NUP155: variants seen among roughly 807,000 people sequenced by gnomAD.
The protein encoded by NUP155 is nuclear pore complex protein Nup155.
In NUP155, 71 loss-of-function variants were observed where a neutral mutation model predicts 180.4. The observed-to-expected ratio is 0.39, with a 90% CI of 0.33 to 0.48. NUP155 has a LOEUF of 0.48. Ranked by LOEUF, NUP155 falls within the 20% of genes least tolerant of loss-of-function variation. The pLI is 0.91. For missense variants in NUP155, 1,553 were observed against 1,648.9 expected (o/e 0.94, Z 1.01); for synonymous variants, 582 against 559.5 (o/e 1.04, Z -0.57).
intron 25 of NUP155, 91 bp downstream of exon 25, chr5:37,307,206 A>C: frequency 7.2e-7 from 1 of 1,384,182 alleles, no homozygotes; most frequent in Non-Finnish European, 1.0e-6. Flanking sequence ...TCAAAAAAAA[A>C]AAAAAAACAT....
At chr5:37,294,272 C>G in intron 33 of NUP155, 57 bp downstream of exon 33, 2 of 1,247,206 alleles carry the variant, frequency 1.6e-6, no homozygotes, top group South Asian at 1.3e-5. Context: ...CACTCTATAT[C>G]TACAAAGTTA....
intron 30 of NUP155, among the ~76,000 whole-genome samples, chr5:37,300,787 G>C (rs1157444928): frequency 6.6e-6 from 1 of 151,408 alleles, no homozygotes; most frequent in Non-Finnish European, 1.5e-5. Flanking sequence ...CTCCTGAGTA[G>C]ATGAACTACA....
rs1561818758 is a variant in NUP155 at position 37,365,738 on chromosome 5, A to AAAATATAT, written c.158-1355_158-1354insATATATTT. On this transcript the variant is annotated intron_variant, in intron 1 of 34. Transcript: ENST00000231498. The stretch of plus-strand genomic sequence containing the variant: ...GAAAAAAAAAAAAAAAAAAAAAAAA[A>AAAATATAT]ATATATATATATATACACACACACA... Among the ~76,000 whole-genome samples the AAAATATAT allele has an allele frequency of 2.1e-3, 78 of 37,132 alleles. 4 individuals carry two copies. Among genetic ancestry groups the AAAATATAT allele is most frequent in the Non-Finnish European group, 2.5e-3 (55 of 21,822 alleles). The allele number at this position is 37,132 out of a possible 152,430, so 24.4% of individuals were successfully genotyped here. A position where few individuals can be genotyped will look rare whatever the true frequency, so the allele number is the denominator to read the frequency against.
intron 27 of NUP155, 47 bp downstream of exon 27, chr5:37,304,692 A>G (rs1297013312): frequency 2.4e-6 from 3 of 1,274,680 alleles, no homozygotes; most frequent in Non-Finnish European, 3.4e-6. Flanking sequence ...TCATTGAGTT[A>G]TGCTCCTTAA....
At chr5:37,342,739 T>A in intron 9 of NUP155, 93 bp from the exon 10 acceptor site, 1 of 924,398 alleles carries the variant, frequency 1.1e-6, no homozygotes, top group Non-Finnish European at 1.7e-6. Flanking sequence ...TATTTCCATA[T>A]TTTCCTTTTT....
At chr5:37,297,057 A>G (rs912369415) in intron 32 of NUP155, among the ~76,000 whole-genome samples, 4 of 152,178 alleles carry the variant, frequency 2.6e-5, no homozygotes, top group Admixed American at 1.3e-4. Context: ...ATTCAAGACT[A>G]GCTTGGGCAA....
intron 14 of NUP155, 129 bp from the exon 15 acceptor site, chr5:37,330,261 A>G (rs756759136): frequency 2.9e-6 from 2 of 695,650 alleles, no homozygotes; most frequent in Non-Finnish European, 5.2e-6. Context: ...TGCTGACTGA[A>G]TGAAATCAGT....
At position 37,333,560 on chromosome 5, in the gene NUP155, G is replaced by T; in HGVS notation, c.1421C>A (p.Thr474Lys). 6.2e-7 allele frequency: 1 copy of T among 1,613,466 alleles called. No individual in the cohort carries two copies. The highest frequency in any genetic ancestry group is 1.3e-5 in the African/African-American group (1 of 75,018). Residue 474 changes from threonine to lysine, a missense_variant, in exon 13 of 35, where the codon ACA (threonine) becomes AAA (lysine). Transcript: ENST00000231498. ...TGGAATATGATCCTTGTTTAAAGGTGTAATTATTTTATCTACTTTCAATTC... is the reference window on the plus strand; with the variant it reads ...TGGAATATGATCCTTGTTTAAAGGTTTAATTATTTTATCTACTTTCAATTC... Reference protein sequence around the residue: ...IDELKVDKIITPLNKDHIPIT... With the variant: ...IDELKVDKIIKPLNKDHIPIT...
At chr5:37,307,170 C>T in intron 25 of NUP155, 127 bp downstream of exon 25, 1 of 896,208 alleles carries the variant, frequency 1.1e-6, no homozygotes, top group Non-Finnish European at 1.7e-6. Flanking sequence ...TGCACTCCAG[C>T]CCAGGTGACA....
chr5:37,297,035 T>C (rs1581128087), intron 32 of NUP155, among the ~76,000 whole-genome samples: 1 of 152,110 alleles, frequency 6.6e-6, no homozygotes, highest in East Asian at 1.9e-4. Context: ...AAAAATTAGC[T>C]AGGTGTGGCT....
chr5:37,363,772 C>T, intron 3 of NUP155, 116 bp downstream of exon 3: 1 of 732,802 alleles, frequency 1.4e-6, no homozygotes, highest in South Asian at 1.4e-5. Flanking sequence ...GAAGCACTGA[C>T]CCAAAGGCTA....
chr5:37,331,240 A>C (rs1383557939), intron 14 of NUP155, among the ~76,000 whole-genome samples: 2 of 152,140 alleles, frequency 1.3e-5, no homozygotes, highest in South Asian at 4.1e-4. Context: ...ATGTCAGTTC[A>C]CATACAGTGA....
At chr5:37,347,999 T>C (rs569538343) in intron 9 of NUP155, among the ~76,000 whole-genome samples, 68 of 152,244 alleles carry the variant, frequency 4.5e-4, no homozygotes, top group African/African-American at 1.5e-3. Flanking sequence ...CTGGGCATGG[T>C]GGTGCATGTC....
rs1172111306 is a variant in NUP155, at chr5:37,302,793, C to T, written c.3433G>A (p.Glu1145Lys). 1 of 1,613,792 alleles carries T rather than the reference C, an allele frequency of 6.2e-7. No individual in the cohort carries two copies. Among genetic ancestry groups the T allele is most frequent in the South Asian group, 1.1e-5 (1 of 91,072 alleles). ...AADGEFLHEL[E>K]EKMEVARIQL... ...TTAGCACTTACCTCCATTTTTTCTT[C>T]TAATTCATGAAGAAATTCACCATCG... The change falls in exon 29 of 35, where the codon GAA becomes AAA. Residue 1145 changes from glutamate (E) to lysine (K), a missense_variant. Transcript: ENST00000231498.
chr5:37,299,264 T>C (rs1212956494), intron 31 of NUP155, among the ~76,000 whole-genome samples, 184 bp downstream of exon 31: 1 of 152,230 alleles, frequency 6.6e-6, no homozygotes, highest in East Asian at 1.9e-4. Context: ...GAATATTCAC[T>C]TGGGTCATTC....
At chr5:37,367,536 T>A (rs1281131517) in intron 1 of NUP155, among the ~76,000 whole-genome samples, 1 of 97,866 alleles carries the variant, frequency 1.0e-5, no homozygotes, top group Admixed American at 1.1e-4. Flanking sequence ...TTCTTTTTCC[T>A]TTTTTTTTTT....
intron 20 of NUP155, among the ~76,000 whole-genome samples, chr5:37,319,569 A>G (rs2150956651): frequency 6.6e-6 from 1 of 152,296 alleles, no homozygotes; most frequent in East Asian, 1.9e-4. Context: ...AATATGTTAA[A>G]CATATTCAAT....
Position 37,305,143 on chromosome 5 carries a change from G to C in NUP155, c.2971C>G (p.Gln991Glu). 2 of 1,613,896 alleles carry C rather than the reference G, an allele frequency of 1.2e-6. No homozygotes were observed. Among genetic ancestry groups the C allele is most frequent in the Non-Finnish European group, 1.7e-6 (2 of 1,179,898 alleles). Reference protein sequence around the residue: ...ELVNQSKAAPQSPSVPKKPGP... With the variant: ...ELVNQSKAAPESPSVPKKPGP... Reference sequence around the variant, plus strand: ...GGTTTTTTGGGTACACTGGGAGACTGAGGAGCGGCCTTACTTTGATTTACC... The same window carrying C: ...GGTTTTTTGGGTACACTGGGAGACTCAGGAGCGGCCTTACTTTGATTTACC... The change falls in exon 26 of 35, where the codon CAG becomes GAG. Residue 991 changes from glutamine to glutamate, a missense_variant. Coordinates refer to ENST00000231498, the MANE Select transcript of NUP155 (RefSeq NM_153485.3).
chr5:37,369,287 G>A (rs971931857), intron 1 of NUP155, among the ~76,000 whole-genome samples: 1 of 152,080 alleles, frequency 6.6e-6, no homozygotes, highest in Non-Finnish European at 1.5e-5. Flanking sequence ...ACAACAAAGA[G>A]AAACTAAGGA....
Sources: allele counts gnomAD v4.1 joint callset (sites outside exome capture counted in the v4.1 genomes callset), GRCh38; gene constraint gnomAD v4.1.1; transcripts MANE v1.5; gene names NCBI Gene and HGNC (gene_info 2026-07-23, HGNC 2026-07-21).